HPCA: variants seen among roughly 807,000 people sequenced by gnomAD.
HPCA encodes hippocalcin, also known as neuron-specific calcium-binding protein hippocalcin.
A neutral mutation model predicts 18.2 loss-of-function variants in HPCA; 4 were observed. That is an observed-to-expected ratio of 0.22 (90% CI 0.11 to 0.50). The LOEUF is 0.50. HPCA is among the 20% of genes least tolerant of loss of function. The probability of loss-of-function intolerance (pLI) is 0.97; values close to 1 mark genes in which losing one functional copy is unlikely to be tolerated. For missense variants in HPCA, 161 were observed against 265.8 expected, an observed-to-expected ratio of 0.61 and a Z score of 2.74; for synonymous variants, 93 against 103.5, an observed-to-expected ratio of 0.90 and a Z score of 0.61.
At chr1:32,887,601 G>T (rs1641391774) in intron 1 of HPCA, among the ~76,000 whole-genome samples, 1 of 152,108 alleles carries the variant, frequency 6.6e-6, no homozygotes, top group African/African-American at 2.4e-5. Flanking sequence ...TTGGTGGGGG[G>T]TCTCCTTGGA....
chr1:32,890,620 G>T (rs1053344684), intron 2 of HPCA, among the ~76,000 whole-genome samples: 1 of 152,196 alleles, frequency 6.6e-6, no homozygotes, highest in Admixed American at 6.5e-5. Context: ...CTCTGCTCTA[G>T]CCAGAAGGGC....
intron 1 of HPCA, among the ~76,000 whole-genome samples, chr1:32,887,585 A>T (rs1321680116): frequency 2.0e-5 from 3 of 152,018 alleles, no homozygotes; most frequent in Non-Finnish European, 4.4e-5. Flanking sequence ...GGAGGCTTGG[A>T]TGGGCTTGGT....
chr1:32,893,644 C>G lies in HPCA; in HGVS notation c.484+15C>G, dbSNP rs112766780. On this transcript the variant is annotated intron_variant, in intron 3 of 3. Transcript: ENST00000373467. This position sits in a 1 kb window ranked among gnomAD's most constrained non-coding sequence, Gnocchi z 7.5. ...AAACAACGACGGTGAGGGGCAGGGG[C>G]GGGACGGGGTGGACGGGGCGGGCGC... 7.8e-6 allele frequency: 7 copies of G among 891,884 alleles called. No individual in the cohort carries two copies. The highest frequency in any genetic ancestry group is 1.3e-5 in the South Asian group (1 of 76,542). The allele number at this position is 891,884 out of a possible 1,614,324, so 55.2% of individuals were successfully genotyped here.
At chr1:32,888,234 G>GT (rs1641403069) in intron 1 of HPCA, among the ~76,000 whole-genome samples, 1 of 152,186 alleles carries the variant, frequency 6.6e-6, no homozygotes, top group South Asian at 2.1e-4. Context: ...CACATAGCTG[G>GT]TAAGAGGAGG....
intron 2 of HPCA, among the ~76,000 whole-genome samples, chr1:32,890,835 T>A (rs909835922): frequency 9.9e-5 from 15 of 152,234 alleles, no homozygotes; most frequent in African/African-American, 3.6e-4. Context: ...GGAGATGTGA[T>A]GCCCTCCCCA....
rs772441332 is a variant in HPCA at position 32,889,316 on chromosome 1, C to T, written c.378+40C>T. On this transcript the variant is annotated intron_variant, in intron 2 of 3. Coordinates refer to ENST00000373467, the MANE Select transcript of HPCA (RefSeq NM_002143.3). The surrounding 1 kb of genome is among the most constrained non-coding windows in gnomAD (Gnocchi z 4.6). Reference sequence around the variant, plus strand: ...CCCTCAGAATGCCAGGCACAGGGCCCGGCAGCTTGCACCCACCACCCCTTT... The same window carrying T: ...CCCTCAGAATGCCAGGCACAGGGCCTGGCAGCTTGCACCCACCACCCCTTT... The T allele has an allele frequency of 1.1e-5, 17 of 1,570,528 alleles. No individual in the cohort carries two copies. The highest frequency in any genetic ancestry group is 5.5e-5 in the Admixed American group (3 of 54,880).
In HPCA at chr1:32,893,516, GC is replaced by G; in HGVS notation, c.379-3del. The G allele has an allele frequency of 6.4e-7, 1 of 1,558,864 alleles. No individual in the cohort carries two copies. The highest frequency in any genetic ancestry group is 8.8e-7 in the Non-Finnish European group (1 of 1,134,904). On this transcript the variant is annotated splice_polypyrimidine_tract_variant and splice_region_variant and intron_variant, in intron 2 of 3. Transcript: ENST00000373467. The surrounding 1 kb of genome is among the most constrained non-coding windows in gnomAD (Gnocchi z 7.5). ...CCTCTCACTCCCCGCCTCCCCTCCC[GC>G]CCCCAGGCCATTTACAAGATGGTTT...
Position 32,893,885 on chromosome 1 carries a change from C to T in HPCA, c.*23C>T. 1 of 1,501,924 alleles carries T rather than the reference C, an allele frequency of 6.7e-7. No homozygotes were observed. The highest frequency in any genetic ancestry group is 9.1e-7 in the Non-Finnish European group (1 of 1,101,642). The allele number at this position is 1,501,924 out of a possible 1,614,324, so 93.0% of individuals were successfully genotyped here. A position where few individuals can be genotyped will look rare whatever the true frequency, so the allele number is the denominator to read the frequency against. ...TGAGAGGAGCCAGGTTCCCCTTCCT[C>T]CCTCCCTTCACCGGCCCCCTCCCGG... On this transcript the variant is annotated 3_prime_UTR_variant, in exon 4 of 4. Coordinates refer to ENST00000373467, the MANE Select transcript of HPCA (RefSeq NM_002143.3). The surrounding 1 kb of genome is among the most constrained non-coding windows in gnomAD (Gnocchi z 7.5).
In HPCA at chr1:32,893,150, C is replaced by G. The variant is rs1228297508; in HGVS notation, c.379-374C>G. Reference sequence around the variant, plus strand: ...CCCGGGTGCCAGCCCGGTACTTACCCCCGACGCGCGTGCCCCGGGGCACGC... The same window carrying G: ...CCCGGGTGCCAGCCCGGTACTTACCGCCGACGCGCGTGCCCCGGGGCACGC... On this transcript the variant is annotated intron_variant, in intron 2 of 3. Transcript: ENST00000373467. The surrounding 1 kb of genome is among the most constrained non-coding windows in gnomAD (Gnocchi z 7.5). Among the ~76,000 whole-genome samples the G allele has an allele frequency of 7.1e-6, 1 of 140,712 alleles. No homozygotes were observed. The highest frequency in any genetic ancestry group is 1.6e-5 in the Non-Finnish European group (1 of 62,472). The allele number at this position is 140,712 out of a possible 152,430, so 92.3% of individuals were successfully genotyped here.
At position 32,893,691 on chromosome 1, in the gene HPCA, C is replaced by A; in HGVS notation, c.484+62C>A. On this transcript the variant is annotated intron_variant, in intron 3 of 3. Transcript: ENST00000373467. The surrounding 1 kb of genome is among the most constrained non-coding windows in gnomAD (Gnocchi z 7.5). The stretch of plus-strand genomic sequence containing the variant: ...GCGCCTTTCCCTCCCTCCCTCCCTG[C>A]CTCCCTTTCCCGCTCCGCCTCCCCT... 1 of 1,068,362 alleles carries A rather than the reference C, an allele frequency of 9.4e-7. No homozygotes were observed. Among genetic ancestry groups the A allele is most frequent in the Non-Finnish European group, 1.4e-6 (1 of 719,136 alleles). 66.2% of individuals were successfully genotyped at this position (1,068,362 alleles called of 1,614,324 possible).
chr1:32,892,365 T>G (rs1294069034), intron 2 of HPCA, among the ~76,000 whole-genome samples: 1 of 152,136 alleles, frequency 6.6e-6, no homozygotes, highest in East Asian at 1.9e-4. Flanking sequence ...TGCAAAGACA[T>G]AATTACTTCT....
chr1:32,887,202 T>C (rs909849796), intron 1 of HPCA, among the ~76,000 whole-genome samples: 1 of 152,124 alleles, frequency 6.6e-6, no homozygotes, highest in Non-Finnish European at 1.5e-5. Flanking sequence ...ACACGGGTCC[T>C]CCAAATGGCC....
At chr1:32,892,015 G>A (rs1001477041) in intron 2 of HPCA, among the ~76,000 whole-genome samples, 30 of 152,202 alleles carry the variant, frequency 2.0e-4, no homozygotes, top group Admixed American at 1.8e-3. Context: ...CTTGCGTGAG[G>A]TTTAGAAATA....
chr1:32,888,415 C>T (rs527782132), intron 1 of HPCA, among the ~76,000 whole-genome samples: 9 of 152,260 alleles, frequency 5.9e-5, no homozygotes, highest in African/African-American at 2.2e-4. Context: ...GTGGGTAGGA[C>T]GGAGGAGGAT....
In HPCA at chr1:32,889,314, C is replaced by G; in HGVS notation, c.378+38C>G. 6.4e-7 allele frequency: 1 copy of G among 1,573,860 alleles called. No homozygotes were observed. Among genetic ancestry groups the G allele is most frequent in the Non-Finnish European group, 8.6e-7 (1 of 1,158,626 alleles). On this transcript the variant is annotated intron_variant, in intron 2 of 3. Transcript: ENST00000373467. This position sits in a 1 kb window ranked among gnomAD's most constrained non-coding sequence, Gnocchi z 4.6. ...GCCCCTCAGAATGCCAGGCACAGGG[C>G]CCGGCAGCTTGCACCCACCACCCCT...
At position 32,894,569 on chromosome 1, in the gene HPCA, C is replaced by CTCTCTTTCACGT; in HGVS notation, c.*707_*708insTCTCTTTCACGT. The CTCTCTTTCACGT allele has an allele frequency of 2.3e-6, 1 of 442,394 alleles. No homozygotes were observed. The highest frequency in any genetic ancestry group is 4.0e-6 in the Non-Finnish European group (1 of 249,800). The allele number at this position is 442,394 out of a possible 1,614,324, so 27.4% of individuals were successfully genotyped here. A position where few individuals can be genotyped will look rare whatever the true frequency, so the allele number is the denominator to read the frequency against. On this transcript the variant is annotated 3_prime_UTR_variant, in exon 4 of 4. Coordinates refer to ENST00000373467, the MANE Select transcript of HPCA (RefSeq NM_002143.3). ...CCTGTCCTCCCCTCTGTCCCCCCAA[C>CTCTCTTTCACGT]CGCCCCCCCTGCATGCAGCCAAATG...
In HPCA at chr1:32,893,951, C is replaced by T; in HGVS notation, c.*89C>T. The T allele has an allele frequency of 2.0e-6, 2 of 1,004,802 alleles. No individual in the cohort carries two copies. The highest frequency in any genetic ancestry group is 3.0e-6 in the Non-Finnish European group (2 of 670,050). The allele number at this position is 1,004,802 out of a possible 1,614,324, so 62.2% of individuals were successfully genotyped here. A position where few individuals can be genotyped will look rare whatever the true frequency, so the allele number is the denominator to read the frequency against. ...CCCTTGTGTGTATTCTGGCTGGGGG[C>T]CAGATTGGGGAAGCCCTTCTCCCCG... On this transcript the variant is annotated 3_prime_UTR_variant, in exon 4 of 4. Coordinates refer to ENST00000373467, the MANE Select transcript of HPCA (RefSeq NM_002143.3). The surrounding 1 kb of genome is among the most constrained non-coding windows in gnomAD (Gnocchi z 7.5).
In HPCA at chr1:32,889,958, A is replaced by T. The variant is rs1234692682; in HGVS notation, c.378+682A>T. Among the ~76,000 whole-genome samples the T allele has an allele frequency of 1.3e-5, 2 of 152,234 alleles. No individual in the cohort carries two copies. Among genetic ancestry groups the T allele is most frequent in the African/African-American group, 4.8e-5 (2 of 41,464 alleles). ...TAAAGGCACTTGCTTGAGGCCACACAGCCTGTGTGAGTGGGCCATCTGGCA... is the reference window on the plus strand; with the variant it reads ...TAAAGGCACTTGCTTGAGGCCACACTGCCTGTGTGAGTGGGCCATCTGGCA... On this transcript the variant is annotated intron_variant, in intron 2 of 3. Transcript: ENST00000373467. The surrounding 1 kb of genome is among the most constrained non-coding windows in gnomAD (Gnocchi z 4.6).
Position 32,893,923 on chromosome 1 carries a change from A to C in HPCA, c.*61A>C. 1 of 1,206,342 alleles carries C rather than the reference A, an allele frequency of 8.3e-7. No individual in the cohort carries two copies. Among genetic ancestry groups the C allele is most frequent in the African/African-American group, 1.5e-5 (1 of 65,978 alleles). 74.7% of individuals were successfully genotyped at this position (1,206,342 alleles called of 1,614,324 possible). ...GGCCCCCTCCCGGCTCTTAGCTTCC[A>C]CTCCCTTGTGTGTATTCTGGCTGGG... On this transcript the variant is annotated 3_prime_UTR_variant, in exon 4 of 4. Coordinates refer to ENST00000373467, the MANE Select transcript of HPCA (RefSeq NM_002143.3). This position sits in a 1 kb window ranked among gnomAD's most constrained non-coding sequence, Gnocchi z 7.5.
Sources: gnomAD v4.1 joint callset for allele counts (sites outside exome capture counted in the v4.1 genomes callset) on GRCh38, gnomAD v4.1.1 for gene constraint, Gnocchi (gnomAD v3.1) non-coding constraint, MANE v1.5 for transcripts, NCBI Gene and HGNC (gene_info 2026-07-23, HGNC 2026-07-21) for gene names.